NALCN: variants seen among roughly 807,000 people sequenced by gnomAD.
NALCN encodes sodium leak channel, non-selective.
In NALCN, 111 loss-of-function variants were observed where a neutral mutation model predicts 225.3. The observed-to-expected ratio is 0.49, with a 90% CI of 0.42 to 0.58. The LOEUF (loss-of-function observed/expected upper bound fraction) is 0.58. NALCN is among the 20% of genes least tolerant of loss of function. The pLI is 0.00. For synonymous variants in NALCN, 764 were observed against 769.0 expected, an observed-to-expected ratio of 0.99 and a Z score of 0.11; for missense variants, 1,378 against 2,202.4, an observed-to-expected ratio of 0.63 and a Z score of 7.49.
Position 101,215,661 on chromosome 13 carries a change from C to T in NALCN, c.1626+13732G>A, listed in dbSNP as rs912585329. ...TGCCCAGGGTCTTGGCCACACAGCA[C>T]TTCACAACATGGAGGCTTACTTTTT... On this transcript the variant is annotated intron_variant, in intron 13 of 43. Coordinates refer to ENST00000251127, the MANE Select transcript of NALCN (RefSeq NM_052867.4). Among the ~76,000 whole-genome samples, 5 of 150,148 alleles carry T rather than the reference C, an allele frequency of 3.3e-5. No homozygotes were observed. In the East Asian group the frequency reaches 7.8e-4, roughly 23 times the overall value.
chr13:101,298,816 C>A (rs924094534), intron 7 of NALCN, among the ~76,000 whole-genome samples: 18 of 152,184 alleles, frequency 1.2e-4, no homozygotes, highest in Admixed American at 4.6e-4. Flanking sequence ...GTCCCTGCAA[C>A]CCCCAACCAA....
At chr13:101,135,837 A>G (rs933713490) in intron 17 of NALCN, among the ~76,000 whole-genome samples, 9 of 152,220 alleles carry the variant, frequency 5.9e-5, no homozygotes, top group Admixed American at 5.9e-4. Flanking sequence ...GTTTAAAAAG[A>G]AGAGCAAAAT....
At chr13:101,103,794 C>A (rs2034955328) in intron 25 of NALCN, among the ~76,000 whole-genome samples, 1 of 152,144 alleles carries the variant, frequency 6.6e-6, no homozygotes, top group Non-Finnish European at 1.5e-5. Context: ...ATTCTCTGAG[C>A]CCATTTCTAT....
At chr13:101,113,473 T>C (rs375396376) in intron 18 of NALCN, among the ~76,000 whole-genome samples, 20 of 152,280 alleles carry the variant, frequency 1.3e-4, no homozygotes, top group African/African-American at 4.3e-4. Context: ...AAAATAACAG[T>C]GTTGGCAGAA....
chr13:101,345,737 A>AATATATATATATATATATGTATATATAT (rs2045700795), intron 6 of NALCN, among the ~76,000 whole-genome samples: 2 of 86,654 alleles, frequency 2.3e-5, no homozygotes, highest in Non-Finnish European at 4.2e-5. Flanking sequence ...CAGCAAAGAG[A>AATATATATATATATATATGTATATATAT]ATATATATAT....
At chr13:101,328,252 T>A (rs2045033451) in intron 7 of NALCN, among the ~76,000 whole-genome samples, 1 of 152,218 alleles carries the variant, frequency 6.6e-6, no homozygotes, top group Non-Finnish European at 1.5e-5. Flanking sequence ...AAAGTCTCCA[T>A]GCAAGAGAGC....
At chr13:101,406,657 T>C (rs1441228787) in intron 1 of NALCN, among the ~76,000 whole-genome samples, 1 of 152,204 alleles carries the variant, frequency 6.6e-6, no homozygotes, top group African/African-American at 2.4e-5. Flanking sequence ...TATAAAAATG[T>C]CAATTTTTTT....
At chr13:101,386,390 T>C (rs1243861019) in intron 3 of NALCN, among the ~76,000 whole-genome samples, 4 of 152,196 alleles carry the variant, frequency 2.6e-5, no homozygotes, top group Admixed American at 2.6e-4. Context: ...AGGTTTTCTC[T>C]GAGGACAGGA....
intron 9 of NALCN, among the ~76,000 whole-genome samples, chr13:101,288,975 G>A (rs972193977): frequency 2.6e-5 from 4 of 152,214 alleles, no homozygotes; most frequent in Admixed American, 2.6e-4. Flanking sequence ...GGGAGTAAAG[G>A]TCTGGGTTAG....
rs1415381824 is a variant in NALCN at position 101,054,467 on chromosome 13, T to A, written c.*828A>T. ...TAACATCACACATGCAAAGATTTTT[T>A]TAAATAAATTGAGCTATATAGTTTT... On this transcript the variant is annotated 3_prime_UTR_variant, in exon 44 of 44. Coordinates refer to ENST00000251127, the MANE Select transcript of NALCN (RefSeq NM_052867.4). 1.3e-5 allele frequency: 2 copies of A among 152,236 alleles called. No homozygotes were observed. The highest frequency in any genetic ancestry group is 2.9e-5 in the Non-Finnish European group (2 of 68,050). 9.4% of individuals were successfully genotyped at this position (152,236 alleles called of 1,614,324 possible).
intron 14 of NALCN, among the ~76,000 whole-genome samples, chr13:101,177,278 C>T (rs1450058843): frequency 1.3e-5 from 2 of 152,080 alleles, no homozygotes; most frequent in African/African-American, 4.8e-5. Flanking sequence ...CCTTGAGAAA[C>T]TAATTGAGAT....
chr13:101,397,493 A>G (rs542380615), intron 2 of NALCN, among the ~76,000 whole-genome samples: 1 of 151,320 alleles, frequency 6.6e-6, no homozygotes, highest in South Asian at 2.1e-4. Context: ...ATATATGTAT[A>G]TGCATATGCG....
intron 15 of NALCN, among the ~76,000 whole-genome samples, chr13:101,163,137 A>G (rs2038269094): frequency 6.6e-6 from 1 of 152,134 alleles, no homozygotes; most frequent in African/African-American, 2.4e-5. Context: ...TCCTGACCAC[A>G]GGTGATCCAC....
At chr13:101,088,489 G>A (rs530318866) in intron 30 of NALCN, among the ~76,000 whole-genome samples, 4 of 152,120 alleles carry the variant, frequency 2.6e-5, no homozygotes, top group Admixed American at 6.6e-5. Context: ...CAGAGCCTGC[G>A]GTAATAGGCA....
At chr13:101,392,095 A>G (rs183696664) in intron 3 of NALCN, among the ~76,000 whole-genome samples, 6 of 152,246 alleles carry the variant, frequency 3.9e-5, no homozygotes, top group Non-Finnish European at 8.8e-5. Flanking sequence ...GAACCCCCAC[A>G]AAAACGCAAC....
At chr13:101,257,212 T>TTTG (rs2042264168) in intron 11 of NALCN, among the ~76,000 whole-genome samples, 1 of 146,256 alleles carries the variant, frequency 6.8e-6, no homozygotes, top group South Asian at 2.1e-4. Flanking sequence ...GTTTATTGTT[T>TTTG]TTTTTTTTTT....
chr13:101,303,893 T>A (rs1045857819), intron 7 of NALCN, among the ~76,000 whole-genome samples: 4 of 152,200 alleles, frequency 2.6e-5, no homozygotes, highest in African/African-American at 9.6e-5. Flanking sequence ...TATTCCTGAC[T>A]GGGAGGAATA....
chr13:101,189,984 T>A (rs527994562), intron 14 of NALCN, among the ~76,000 whole-genome samples: 1 of 152,268 alleles, frequency 6.6e-6, no homozygotes, highest in Non-Finnish European at 1.5e-5. Context: ...AAAGAAGATT[T>A]AGATTGCCCA....
intron 6 of NALCN, among the ~76,000 whole-genome samples, chr13:101,345,748 ATATATATATATATATATATATATT>A (rs373938026): frequency 0.024 from 2,884 of 118,768 alleles, 174 homozygotes; most frequent in African/African-American, 0.093. Context: ...ATATATATAT[ATATATATATATATATATATATATT>A]TAGAGAGGGA....
Sources: gnomAD v4.1 joint callset for allele counts (sites outside exome capture counted in the v4.1 genomes callset) on GRCh38, gnomAD v4.1.1 for gene constraint, MANE v1.5 for transcripts, NCBI Gene and HGNC (gene_info 2026-07-23, HGNC 2026-07-21) for gene names.